The following NLRX1 variants were observed in gnomAD, a reference collection of about 807,000 sequenced individuals.
NLRX1 encodes NOD-like receptor X1.
NLRX1 carries 67 observed loss-of-function variants against 74.2 expected under a neutral mutation model. That is an observed-to-expected ratio of 0.90 (90% CI 0.74 to 1.11). NLRX1 has a LOEUF of 1.11. Ranked by LOEUF, NLRX1 falls within the 50% of genes least tolerant of loss-of-function variation. The pLI is 0.00. For missense variants in NLRX1, 1,191 were observed against 1,305.4 expected (o/e 0.91, Z 1.35); for synonymous variants, 506 against 559.1 (o/e 0.91, Z 1.34).
intron 9 of NLRX1, among the ~76,000 whole-genome samples, chr11:119,182,747 T>C (rs1948871213): frequency 6.6e-6 from 1 of 151,462 alleles, no homozygotes; most frequent in African/African-American, 2.4e-5. Flanking sequence ...ATTATCTGGG[T>C]GTGGTGGTGC....
At position 119,173,596 on chromosome 11, in the gene NLRX1, G is replaced by T; in HGVS notation, c.347G>T (p.Arg116Leu). The change falls in exon 5 of 10, where the codon CGC becomes CTC. Residue 116 changes from arginine (R) to leucine (L), a missense_variant. Arg to Leu is a moderately radical substitution (Grantham distance 102). Coordinates refer to ENST00000409109, the MANE Select transcript of NLRX1 (RefSeq NM_001282144.2). This position sits in a 1 kb window ranked among gnomAD's most constrained non-coding sequence, Gnocchi z 4.0. The part of the protein sequence containing the change: ...LDTVHVDPVI[R>L]ESTPDELLRP... ...ACGGTCCACGTTGACCCTGTGATCCGCGAGAGTACCCCTGATGAGCTACTT... is the reference window on the plus strand; with the variant it reads ...ACGGTCCACGTTGACCCTGTGATCCTCGAGAGTACCCCTGATGAGCTACTT... The T allele has an allele frequency of 6.2e-7, 1 of 1,614,136 alleles. No homozygotes were observed. Among genetic ancestry groups the T allele is most frequent in the Admixed American group, 1.7e-5 (1 of 60,030 alleles).
In NLRX1 at chr11:119,179,704, A is replaced by G; in HGVS notation, c.1683A>G (p.Arg561=). The change falls in exon 7 of 10, where the codon CGA becomes CGG. Residue 561 remains arginine, a synonymous_variant. Transcript: ENST00000409109. ...TGCTTCTTTTTCAGGTGGTTCCACG[A>G]GTGTTTGGGCGCATGGTGGGTAAAA... ...LLFNLIKVVP[R]VFGRMVGKSR... is the part of the protein sequence containing the mutation. 1 of 1,599,100 alleles carries G rather than the reference A, an allele frequency of 6.3e-7. No homozygotes were observed. Among genetic ancestry groups the G allele is most frequent in the Non-Finnish European group, 8.5e-7 (1 of 1,170,376 alleles).
Position 119,173,926 on chromosome 11 carries a change from T to G in NLRX1, c.677T>G (p.Val226Gly). The part of the protein sequence containing the change: ...VAQRYTPLKE[V>G]LPLMAAAGSH... ...CAGCGCTACACGCCCCTGAAGGAGG[T>G]TCTGCCCCTGATGGCTGCTGCTGGG... Residue 226 changes from valine to glycine, a missense_variant, in exon 5 of 10, where the codon GTT (valine) becomes GGT (glycine). Val to Gly is a moderately radical substitution (Grantham distance 109, BLOSUM62 -3). Coordinates refer to ENST00000409109, the MANE Select transcript of NLRX1 (RefSeq NM_001282144.2). The surrounding 1 kb of genome is among the most constrained non-coding windows in gnomAD (Gnocchi z 4.0). The G allele has an allele frequency of 6.2e-7, 1 of 1,613,732 alleles. No homozygotes were observed. The highest frequency in any genetic ancestry group is 8.5e-7 in the Non-Finnish European group (1 of 1,180,004).
chr11:119,174,566 C>T lies in NLRX1; in HGVS notation c.963C>T (p.Tyr321=), dbSNP rs200775070. 6 of 1,614,198 alleles carry T rather than the reference C, an allele frequency of 3.7e-6. No individual in the cohort carries two copies. The East Asian group carries it at 1.3e-4, about 36-fold the overall frequency. ...GFSDTNLQKL[Y]FQLRLNQPYC... is the part of the protein sequence containing the mutation. ...CTGATACCAACCTGCAGAAGCTCTA[C>T]TTCCAGCTCCGCCTCAACCAGCCGT... Residue 321 remains tyrosine, a synonymous_variant, in exon 6 of 10, where the codon TAC becomes TAT. Transcript: ENST00000409109.
chr11:119,184,009 T>C lies in NLRX1; in HGVS notation c.*570T>C. Reference sequence around the variant, plus strand: ...GCTGCTATTAAAAAGCCGTGTGCCTTCTACCAATTGTGGCCTCTTCTTTAC... The same window carrying C: ...GCTGCTATTAAAAAGCCGTGTGCCTCCTACCAATTGTGGCCTCTTCTTTAC... On this transcript the variant is annotated 3_prime_UTR_variant, in exon 10 of 10. Transcript: ENST00000409109. The C allele has an allele frequency of 2.8e-6, 2 of 724,870 alleles. No homozygotes were observed. Among genetic ancestry groups the C allele is most frequent in the Non-Finnish European group, 2.6e-6 (1 of 386,802 alleles). 44.9% of individuals were successfully genotyped at this position (724,870 alleles called of 1,614,324 possible).
rs1948910207 is a variant in NLRX1 at position 119,183,668 on chromosome 11, G to A, written c.*229G>A. ...TGCTTCGGGCTTGGAGATGGAACAT[G>A]CCTCCTCTCCATTCAGCTAGAAGGA... is the stretch of plus-strand genomic sequence containing the variant. On this transcript the variant is annotated 3_prime_UTR_variant, in exon 10 of 10. Coordinates refer to ENST00000409109, the MANE Select transcript of NLRX1 (RefSeq NM_001282144.2). This position sits in a 1 kb window ranked among gnomAD's most constrained non-coding sequence, Gnocchi z 5.7. The A allele has an allele frequency of 1.4e-6, 1 of 730,724 alleles. No homozygotes were observed. Among genetic ancestry groups the A allele is most frequent in the Non-Finnish European group, 2.5e-6 (1 of 400,160 alleles). The allele number at this position is 730,724 out of a possible 1,614,324, so 45.3% of individuals were successfully genotyped here.
chr11:119,174,143 C>G (rs764851429), intron 5 of NLRX1, 45 bp downstream of exon 5: 3 of 1,592,532 alleles, frequency 1.9e-6, no homozygotes, highest in Admixed American at 3.4e-5. Flanking sequence ...CCCGTTGACT[C>G]GCCCCCTAGG....
In NLRX1 at chr11:119,173,835, C is replaced by A; in HGVS notation, c.586C>A (p.Pro196Thr). ...GCTGCCGGCCTTCGAGCTGCTCATC[C>A]CCTTCTCCTGTGAGGACCTGTCATC... ...GRLPAFELLIPFSCEDLSSLG... is the reference protein window; with the variant it reads ...GRLPAFELLITFSCEDLSSLG... Residue 196 changes from proline to threonine, a missense_variant, in exon 5 of 10, where the codon CCC (proline) becomes ACC (threonine). Transcript: ENST00000409109. This position sits in a 1 kb window ranked among gnomAD's most constrained non-coding sequence, Gnocchi z 4.0. 1 of 1,613,618 alleles carries A rather than the reference C, an allele frequency of 6.2e-7. No homozygotes were observed. Among genetic ancestry groups the A allele is most frequent in the Admixed American group, 1.7e-5 (1 of 60,022 alleles).
At position 119,175,208 on chromosome 11, in the gene NLRX1, G is replaced by A. The variant is rs1221329232; in HGVS notation, c.1605G>A (p.Leu535=). ...GCCGTGTTGGGGAGGACGTCAGCCT[G>A]GTACTGGGCATCATGGCCAAGCTGC... The part of the protein sequence containing the change: ...LVGRVGEDVS[L]VLGIMAKLLP... The change falls in exon 6 of 10, where the codon CTG becomes CTA. Residue 535 remains leucine, a synonymous_variant. Transcript: ENST00000409109. 2 of 1,614,076 alleles carry A rather than the reference G, an allele frequency of 1.2e-6. No homozygotes were observed. The highest frequency in any genetic ancestry group is 2.7e-5 in the African/African-American group (2 of 74,928).
chr11:119,173,195 G>C lies in NLRX1; in HGVS notation c.229+206G>C. ...CACTTATATGTACAAAGCGCTAGGAGAGCCATACCATCCCTATGCTCAACA... is the reference window on the plus strand; with the variant it reads ...CACTTATATGTACAAAGCGCTAGGACAGCCATACCATCCCTATGCTCAACA... On this transcript the variant is annotated intron_variant, in intron 4 of 9. Coordinates refer to ENST00000409109, the MANE Select transcript of NLRX1 (RefSeq NM_001282144.2). The surrounding 1 kb of genome is among the most constrained non-coding windows in gnomAD (Gnocchi z 4.0). The C allele has an allele frequency of 1.6e-6, 1 of 614,742 alleles. No individual in the cohort carries two copies. Among genetic ancestry groups the C allele is most frequent in the Non-Finnish European group, 2.9e-6 (1 of 347,290 alleles). The allele number at this position is 614,742 out of a possible 1,614,324, so 38.1% of individuals were successfully genotyped here.
chr11:119,171,863 G>T (rs543269994), intron 2 of NLRX1, among the ~76,000 whole-genome samples: 4 of 152,198 alleles, frequency 2.6e-5, no homozygotes, highest in Middle Eastern at 3.4e-3. Flanking sequence ...GGCTGAGGCA[G>T]GAGAATCATT....
rs60612369 is a variant in NLRX1 at position 119,172,362 on chromosome 11, G to T, written c.77G>T (p.Arg26Leu). Residue 26 changes from arginine to leucine, a missense_variant, in exon 3 of 10, where the codon CGT becomes CTT. Coordinates refer to ENST00000409109, the MANE Select transcript of NLRX1 (RefSeq NM_001282144.2). ...FRRALQRPDD[R>L]IPFLIHWSWP... Reference sequence around the variant, plus strand: ...TTCTTCCTTCTCTCTGTAGATGATCGTATCCCCTTCCTGATCCACTGGAGT... The same window carrying T: ...TTCTTCCTTCTCTCTGTAGATGATCTTATCCCCTTCCTGATCCACTGGAGT... 8 of 1,613,126 alleles carry T rather than the reference G, an allele frequency of 5.0e-6. No homozygotes were observed. Among genetic ancestry groups the T allele is most frequent in the Non-Finnish European group, 6.8e-6 (8 of 1,179,068 alleles).
chr11:119,174,164 C>G (rs1294292775), intron 5 of NLRX1, 66 bp downstream of exon 5: 1 of 1,560,088 alleles, frequency 6.4e-7, no homozygotes, highest in African/African-American at 1.4e-5. Context: ...TCCTGGGTTA[C>G]TTTAACTCCT....
At chr11:119,182,469 T>C in intron 9 of NLRX1, 124 bp downstream of exon 9, 1 of 1,369,748 alleles carries the variant, frequency 7.3e-7, no homozygotes. Context: ...TTATTCCTGG[T>C]TTCTGACTGA....
chr11:119,183,177 CT>C lies in NLRX1; in HGVS notation c.2667del (p.Ala890LeufsTer11). On this transcript the variant is annotated frameshift_variant, in exon 10 of 10. Transcript: ENST00000409109. LOFTEE classifies it high-confidence loss of function. The surrounding 1 kb of genome is among the most constrained non-coding windows in gnomAD (Gnocchi z 5.7). Reference protein sequence around the residue: ...GRQVLRDLGGAAEGGARVVVS... With the variant: ...GRQVLRDLGGXAEGGARVVVS... ...CAGGTCTTGCGAGACTTGGGGGGTG[CT>C]GCTGAAGGTGGTGCCCGGGTGGTGG... 1 of 1,614,168 alleles carries C rather than the reference CT, an allele frequency of 6.2e-7. No homozygotes were observed. Among genetic ancestry groups the C allele is most frequent in the Non-Finnish European group, 8.5e-7 (1 of 1,180,048 alleles).
intron 6 of NLRX1, among the ~76,000 whole-genome samples, chr11:119,177,132 A>G (rs1158671174): frequency 6.6e-6 from 1 of 151,862 alleles, no homozygotes; most frequent in African/African-American, 2.4e-5. Context: ...CCCAGGCTGG[A>G]GTGCAGTGGC....
At chr11:119,169,401 A>C (rs1565822779) in intron 1 of NLRX1, 99 bp downstream of exon 1, 1 of 152,412 alleles carries the variant, frequency 6.6e-6, no homozygotes, top group African/African-American at 2.4e-5. Context: ...GTCTTGACTC[A>C]GTGGCCCTAG....
intron 5 of NLRX1, 86 bp from the exon 6 acceptor site, chr11:119,174,367 C>T: frequency 7.4e-7 from 1 of 1,349,032 alleles, no homozygotes; most frequent in Non-Finnish European, 1.0e-6. Flanking sequence ...CATCCTTGGA[C>T]ACTCCGTCTT....
Position 119,180,041 on chromosome 11 carries a change from G to C in NLRX1, c.2020G>C (p.Glu674Gln). ...GGGCCGGCAGGTGCTGCCCCCATCA[G>C]AGCTCCTTGACCACCTCTTCTTCCA... ...KLGRQVLPPS[E>Q]LLDHLFFHYE... Residue 674 changes from glutamate to glutamine, a missense_variant, in exon 7 of 10, where the codon GAG becomes CAG. Physicochemically the swap from Glu to Gln is conservative, Grantham distance 29 (BLOSUM62 2). Coordinates refer to ENST00000409109, the MANE Select transcript of NLRX1 (RefSeq NM_001282144.2). 1.2e-6 allele frequency: 2 copies of C among 1,613,632 alleles called. No individual in the cohort carries two copies. Among genetic ancestry groups the C allele is most frequent in the Non-Finnish European group, 1.7e-6 (2 of 1,180,030 alleles).
Sources: gnomAD v4.1 joint callset for allele counts (sites outside exome capture counted in the v4.1 genomes callset) on GRCh38, gnomAD v4.1.1 for gene constraint, Gnocchi (gnomAD v3.1) non-coding constraint, MANE v1.5 for transcripts, NCBI Gene and HGNC (gene_info 2026-07-23, HGNC 2026-07-21) for gene names.